Variants in OPHN1 observed in about 807,000 individuals in gnomAD.
OPHN1 encodes the protein oligophrenin-1.
OPHN1 carries 11 observed loss-of-function variants against 60.7 expected under a neutral mutation model. That is an observed-to-expected ratio of 0.18 (90% CI 0.11 to 0.30). The LOEUF (loss-of-function observed/expected upper bound fraction) is 0.30, where lower values mean the gene tolerates loss of function less well. Among genes scored for constraint, OPHN1 ranks in the 10% least tolerant of loss-of-function variants. The pLI, the probability that OPHN1 is intolerant of heterozygous loss-of-function variation, is 1.00. For synonymous variants in OPHN1, 226 were observed against 222.6 expected (o/e 1.02, Z -0.14); for missense variants, 449 against 611.0 (o/e 0.73, Z 2.80).
chrX:68,231,556 A>G (rs1161094498), intron 6 of OPHN1, among the ~76,000 whole-genome samples: 1 of 112,071 alleles, frequency 8.9e-6, no homozygotes, highest in Non-Finnish European at 1.9e-5. Flanking sequence ...AAGTCCTTCA[A>G]TAGGCAAATG....
At chrX:68,211,127 A>G (rs1412312806) in intron 8 of OPHN1, among the ~76,000 whole-genome samples, 1 of 111,431 alleles carries the variant, frequency 9.0e-6, no homozygotes, top group East Asian at 2.8e-4. Flanking sequence ...GAGAGCCCCT[A>G]GTTCCTTTCT....
chrX:68,358,547 C>T (rs1319287629), intron 2 of OPHN1, among the ~76,000 whole-genome samples: 1 of 111,247 alleles, frequency 9.0e-6, no homozygotes, highest in Non-Finnish European at 1.9e-5. Flanking sequence ...TGATTCTTTC[C>T]AAATGATATA....
At chrX:68,072,245 A>T (rs753142218) in intron 20 of OPHN1, among the ~76,000 whole-genome samples, 1 of 112,382 alleles carries the variant, frequency 8.9e-6, no homozygotes, top group African/African-American at 3.2e-5. Flanking sequence ...AGGAAATTTG[A>T]TATGACAAAA....
chrX:68,083,760 A>T (rs1353380835), intron 19 of OPHN1, among the ~76,000 whole-genome samples: 5 of 112,061 alleles, frequency 4.5e-5, no homozygotes, highest in Non-Finnish European at 9.4e-5. Flanking sequence ...TCACTTGCAT[A>T]CTTAGAGGCC....
intron 15 of OPHN1, among the ~76,000 whole-genome samples, chrX:68,188,602 A>T (rs1342098135): frequency 2.7e-5 from 3 of 112,190 alleles, no homozygotes; most frequent in African/African-American, 9.7e-5. Flanking sequence ...ACAGTATCAG[A>T]AAAACGGTTA....
At chrX:68,377,925 T>C (rs943874584) in intron 2 of OPHN1, among the ~76,000 whole-genome samples, 6 of 112,080 alleles carry the variant, frequency 5.4e-5, no homozygotes, top group African/African-American at 1.9e-4. Flanking sequence ...GCATGATTTA[T>C]ACTCCTTTGG....
intron 6 of OPHN1, among the ~76,000 whole-genome samples, chrX:68,222,098 C>A (rs1182872468): frequency 7.4e-5 from 8 of 107,672 alleles, no homozygotes; most frequent in African/African-American, 2.7e-4. Context: ...AACAAACAAC[C>A]CCATCAAAAA....
At chrX:68,370,555 A>G (rs1488359233) in intron 2 of OPHN1, among the ~76,000 whole-genome samples, 1 of 111,519 alleles carries the variant, frequency 9.0e-6, no homozygotes, top group Non-Finnish European at 1.9e-5. Flanking sequence ...AACCACATTA[A>G]GACATAAGGA....
intron 20 of OPHN1, among the ~76,000 whole-genome samples, chrX:68,066,878 G>A (rs1213565247): frequency 1.8e-5 from 2 of 111,750 alleles, no homozygotes; most frequent in Middle Eastern, 9.2e-3. Flanking sequence ...ATAAAAGTTC[G>A]GTGCCATCCC....
At chrX:68,250,534 C>T (rs1320036306) in intron 5 of OPHN1, among the ~76,000 whole-genome samples, 1 of 111,627 alleles carries the variant, frequency 9.0e-6, no homozygotes, top group African/African-American at 3.3e-5. Flanking sequence ...ACTCTGGAAT[C>T]ACATAACCTG....
chrX:68,293,313 T>A (rs774702774), intron 3 of OPHN1, among the ~76,000 whole-genome samples: 5 of 112,160 alleles, frequency 4.5e-5, no homozygotes, highest in Non-Finnish European at 9.4e-5. Flanking sequence ...TATGATCTGC[T>A]GTGAGTTGTT....
intron 2 of OPHN1, among the ~76,000 whole-genome samples, chrX:68,313,756 A>T (rs1602317064): frequency 8.9e-6 from 1 of 112,158 alleles, no homozygotes; most frequent in Admixed American, 9.5e-5. Flanking sequence ...CGATATAGTT[A>T]GAATGAATAA....
intron 19 of OPHN1, among the ~76,000 whole-genome samples, chrX:68,093,467 A>T (rs778323945): frequency 8.9e-6 from 1 of 111,779 alleles, no homozygotes; most frequent in Non-Finnish European, 1.9e-5. Context: ...ATCCGATAGA[A>T]GTGCATGTTT....
intron 19 of OPHN1, among the ~76,000 whole-genome samples, chrX:68,078,524 T>C (rs1262101087): frequency 1.8e-5 from 2 of 111,698 alleles, no homozygotes; most frequent in Non-Finnish European, 3.8e-5. Context: ...TCTCTTCCGA[T>C]TGAACCCAAG....
chrX:68,052,670 G>A, intron 22 of OPHN1, 80 bp from the exon 23 acceptor site: 1 of 905,765 alleles, frequency 1.1e-6, no homozygotes. Context: ...AAGGACAGGA[G>A]ACTCTGAACC....
intron 5 of OPHN1, among the ~76,000 whole-genome samples, chrX:68,261,478 G>A (rs1045312362): frequency 2.7e-5 from 3 of 111,076 alleles, no homozygotes; most frequent in Non-Finnish European, 3.8e-5. Context: ...CAGAGAAGTC[G>A]GTGGGGGGAG....
intron 11 of OPHN1, among the ~76,000 whole-genome samples, chrX:68,200,450 A>G (rs1166561166): frequency 1.8e-5 from 2 of 111,457 alleles, no homozygotes; most frequent in Non-Finnish European, 3.8e-5. Context: ...TGAGTTGGGG[A>G]TATTATTTGC....
chrX:68,215,081 G>C (rs2077602296), intron 6 of OPHN1, among the ~76,000 whole-genome samples: 1 of 111,488 alleles, frequency 9.0e-6, no homozygotes, highest in African/African-American at 3.3e-5. Context: ...AAAACAGACA[G>C]CACCTAAGAA....
At chrX:68,080,080 T>C (rs1321033681) in intron 19 of OPHN1, among the ~76,000 whole-genome samples, 2 of 111,902 alleles carry the variant, frequency 1.8e-5, no homozygotes, top group Non-Finnish European at 3.8e-5. Context: ...TCAACTCTAA[T>C]CTAATTGTGT....
Sources: allele counts gnomAD v4.1 joint callset (sites outside exome capture counted in the v4.1 genomes callset), GRCh38; gene constraint gnomAD v4.1.1; transcripts MANE v1.5; gene names NCBI Gene and HGNC (gene_info 2026-07-23, HGNC 2026-07-21).